The following DCDC1 variants were observed in gnomAD, a reference collection of about 807,000 sequenced individuals.
The protein encoded by DCDC1 is doublecortin domain containing 1.
In DCDC1, 200 loss-of-function variants were observed where a neutral mutation model predicts 178.3. The ratio of observed to expected loss-of-function variants is 1.12; its 90% CI spans 1.00 to 1.26. The LOEUF is 1.26. DCDC1 is among the 50% of genes most tolerant of loss of function. The probability of loss-of-function intolerance (pLI) is 0.00; values close to 1 mark genes in which losing one functional copy is unlikely to be tolerated. For missense variants in DCDC1, 1,983 were observed against 1,749.2 expected (o/e 1.13, Z -2.38); for synonymous variants, 690 against 604.8 (o/e 1.14, Z -2.07).
In DCDC1 at chr11:31,078,505, A is replaced by G. The variant is rs146009204; in HGVS notation, c.2238-580T>C. 9.7e-4 allele frequency among the ~76,000 whole-genome samples: 147 copies of G among 152,312 alleles called. 1 individual carries two copies. Among genetic ancestry groups the G allele is most frequent in the African/African-American group, 3.3e-3 (138 of 41,554 alleles). ...ACAAAGGTGGAACAAAAATGAATTA[A>G]ATTAAGTGTAACAGGATGTTAAACA... On this transcript the variant is annotated intron_variant, in intron 17 of 38. Transcript: ENST00000684477.
Position 31,137,360 on chromosome 11 carries a change from T to G in DCDC1, c.1314+332A>C, listed in dbSNP as rs1483239211. ...AAAATTAGTGTTCATTGCAGGTTTT[T>G]TTTTTTTTTTTTACGGAGTCTCGCT... On this transcript the variant is annotated intron_variant, in intron 10 of 38. Transcript: ENST00000684477. Among the ~76,000 whole-genome samples, 5 of 151,478 alleles carry G rather than the reference T, an allele frequency of 3.3e-5. No homozygotes were observed. In the East Asian group the frequency reaches 5.8e-4, roughly 18 times the overall value.
rs1474652026 is a variant in DCDC1, at chr11:30,878,643, T to C, written c.5302A>G (p.Thr1768Ala). ...RIRRQQGPQATDIVVSPSTKL... is the reference protein window; with the variant it reads ...RIRRQQGPQAADIVVSPSTKL... ...GTGGATGGTGACACCACAATGTCTGTGGCTTGAGGGCCCTGCTGCCTTCGG... is the reference window on the plus strand; with the variant it reads ...GTGGATGGTGACACCACAATGTCTGCGGCTTGAGGGCCCTGCTGCCTTCGG... Residue 1768 changes from threonine (T) to alanine (A), a missense_variant, in exon 38 of 39, where the codon ACA becomes GCA. Thr to Ala is a moderately conservative substitution (Grantham distance 58, BLOSUM62 0). Coordinates refer to ENST00000684477, the MANE Select transcript of DCDC1 (RefSeq NM_001387274.1). 6.2e-7 allele frequency: 1 copy of C among 1,611,690 alleles called. No individual in the cohort carries two copies.
chr11:30,978,900 A>G (rs1202481212), intron 20 of DCDC1, among the ~76,000 whole-genome samples: 4 of 151,890 alleles, frequency 2.6e-5, no homozygotes, highest in Non-Finnish European at 5.9e-5. Context: ...GCTCCCATAT[A>G]TGGATAAGAA....
At chr11:30,898,165 C>T (rs1227364035) in intron 34 of DCDC1, among the ~76,000 whole-genome samples, 3 of 152,058 alleles carry the variant, frequency 2.0e-5, no homozygotes, top group Non-Finnish European at 4.4e-5. Context: ...TAAAGGGCCA[C>T]GCTGAGGAGT....
At chr11:31,018,637 C>T (rs1590776894) in intron 20 of DCDC1, among the ~76,000 whole-genome samples, 1 of 152,134 alleles carries the variant, frequency 6.6e-6, no homozygotes, top group South Asian at 2.1e-4. Flanking sequence ...GAGAAAAAGG[C>T]TTGCAAAAGC....
intron 6 of DCDC1, among the ~76,000 whole-genome samples, chr11:31,294,682 G>GAGAA (rs1332696850): frequency 5.1e-5 from 3 of 58,970 alleles, no homozygotes; most frequent in Non-Finnish European, 6.6e-5. Flanking sequence ...GAAGGGGAGA[G>GAGAA]AGAAAGAAAG....
At chr11:31,199,455 A>G (rs570740013) in intron 9 of DCDC1, among the ~76,000 whole-genome samples, 3 of 152,166 alleles carry the variant, frequency 2.0e-5, no homozygotes, top group Admixed American at 2.0e-4. Flanking sequence ...TCAGAAGAAG[A>G]CTTTGTGTTT....
At chr11:31,136,491 A>G (rs1422422223) in intron 10 of DCDC1, among the ~76,000 whole-genome samples, 1 of 152,134 alleles carries the variant, frequency 6.6e-6, no homozygotes, top group Non-Finnish European at 1.5e-5. Context: ...AATTTGGTGC[A>G]TGCTACCTGT....
intron 11 of DCDC1, among the ~76,000 whole-genome samples, chr11:31,121,070 C>T (rs558055237): frequency 6.6e-6 from 1 of 152,214 alleles, no homozygotes; most frequent in Non-Finnish European, 1.5e-5. Flanking sequence ...TAAGAAATTG[C>T]TCCAAAACAC....
At chr11:31,273,977 G>C (rs528106158) in intron 7 of DCDC1, among the ~76,000 whole-genome samples, 255 of 152,224 alleles carry the variant, frequency 1.7e-3, no homozygotes, top group African/African-American at 5.6e-3. Flanking sequence ...AACAGCATGT[G>C]AAAGACCCAT....
At chr11:31,294,868 A>AAGAAAGAG (rs1187297426) in intron 6 of DCDC1, among the ~76,000 whole-genome samples, 1 of 148,832 alleles carries the variant, frequency 6.7e-6, no homozygotes, top group Non-Finnish European at 1.5e-5. Flanking sequence ...GAAAGAAAGA[A>AAGAAAGAG]AAAGAAAACA....
At chr11:30,880,723 A>C (rs938866311) in intron 37 of DCDC1, among the ~76,000 whole-genome samples, 1 of 152,216 alleles carries the variant, frequency 6.6e-6, no homozygotes, top group Non-Finnish European at 1.5e-5. Flanking sequence ...AAAATGACCA[A>C]CGAATAGACA....
chr11:31,186,242 C>T (rs913944978), intron 9 of DCDC1, among the ~76,000 whole-genome samples: 1 of 152,188 alleles, frequency 6.6e-6, no homozygotes, highest in Admixed American at 6.5e-5. Context: ...ACTCACTTAG[C>T]CATACTCTCC....
intron 34 of DCDC1, among the ~76,000 whole-genome samples, chr11:30,898,582 G>A (rs1944412477): frequency 6.6e-6 from 1 of 152,154 alleles, no homozygotes; most frequent in Non-Finnish European, 1.5e-5. Flanking sequence ...AACAAAGGAG[G>A]CATTGGTGTT....
At chr11:31,093,988 C>A (rs1957977102) in intron 16 of DCDC1, 62 bp downstream of exon 16, 5 of 737,238 alleles carry the variant, frequency 6.8e-6, no homozygotes, top group South Asian at 5.7e-5. Flanking sequence ...CAGGTGCCAG[C>A]AAGTGCCGTG....
intron 20 of DCDC1, among the ~76,000 whole-genome samples, chr11:30,974,219 G>A (rs934326899): frequency 4.6e-5 from 7 of 150,918 alleles, no homozygotes; most frequent in East Asian, 3.9e-4. Context: ...AAAGCCTGTC[G>A]GATACAGTAA....
chr11:30,964,348 T>C (rs949342689), intron 20 of DCDC1, among the ~76,000 whole-genome samples: 1 of 152,198 alleles, frequency 6.6e-6, no homozygotes, highest in Non-Finnish European at 1.5e-5. Flanking sequence ...TCATCGAATG[T>C]GCAGTTCTTG....
chr11:31,110,452 T>A (rs747975001), intron 11 of DCDC1, 91 bp from the exon 12 acceptor site: 141 of 587,902 alleles, frequency 2.4e-4, no homozygotes, highest in South Asian at 8.1e-4. Flanking sequence ...TAGGCAGTCA[T>A]CCTTTTTCAT....
intron 17 of DCDC1, among the ~76,000 whole-genome samples, chr11:31,088,247 GT>G (rs1257590481): frequency 6.6e-6 from 1 of 151,896 alleles, no homozygotes; most frequent in African/African-American, 2.4e-5. Flanking sequence ...GATGGATGTT[GT>G]TTTTTATCTA....
Sources: allele counts gnomAD v4.1 joint callset (sites outside exome capture counted in the v4.1 genomes callset), GRCh38; gene constraint gnomAD v4.1.1; transcripts MANE v1.5; gene names NCBI Gene and HGNC (gene_info 2026-07-23, HGNC 2026-07-21).